The following RAPGEF6 variants were observed in gnomAD, a reference collection of about 807,000 sequenced individuals.
The protein encoded by RAPGEF6 is PDZ domain containing guanine nucleotide exchange factor (GEF) 2.
Under a neutral mutation model 171.4 loss-of-function variants are expected in RAPGEF6, and 56 were observed. The ratio of observed to expected loss-of-function variants is 0.33; its 90% CI spans 0.26 to 0.41. The LOEUF is 0.41. RAPGEF6 is among the 10% of genes least tolerant of loss of function. The probability of loss-of-function intolerance (pLI) is 1.00; values close to 1 mark genes in which losing one functional copy is unlikely to be tolerated. For synonymous variants in RAPGEF6, 692 were observed against 650.1 expected (o/e 1.06, Z -0.98); for missense variants, 1,674 against 1,921.4 (o/e 0.87, Z 2.41).
rs188858087 is a variant in RAPGEF6, at chr5:131,550,184, T to A, written c.352-1994A>T. On this transcript the variant is annotated intron_variant, in intron 5 of 27. Coordinates refer to ENST00000509018, the MANE Select transcript of RAPGEF6 (RefSeq NM_016340.6). ...TCACCTCAGTCCCAAACCACAGCAA[T>A]AGGTGATCCTGCTGCTTTAGGCATG... Among the ~76,000 whole-genome samples the A allele has an allele frequency of 3.2e-3, 485 of 152,194 alleles. 3 individuals carry two copies. The highest frequency in any genetic ancestry group is 0.011 in the African/African-American group (461 of 41,512).
intron 4 of RAPGEF6, among the ~76,000 whole-genome samples, chr5:131,587,013 T>C (rs1160984788): frequency 6.6e-6 from 1 of 152,222 alleles, no homozygotes; most frequent in Non-Finnish European, 1.5e-5. Context: ...GCCCCTCCTC[T>C]TCCTGCATGG....
intron 6 of RAPGEF6, among the ~76,000 whole-genome samples, chr5:131,538,743 C>T (rs1007044457): frequency 6.6e-6 from 1 of 152,170 alleles, no homozygotes; most frequent in Non-Finnish European, 1.5e-5. Context: ...CTTCTTCATA[C>T]TCTTCTATAT....
intron 4 of RAPGEF6, among the ~76,000 whole-genome samples, chr5:131,583,914 C>T (rs546470606): frequency 5.4e-4 from 82 of 152,196 alleles, no homozygotes; most frequent in Middle Eastern, 3.4e-3. Flanking sequence ...TTACTGAGTG[C>T]AAGAAGCTGA....
At chr5:131,499,630 CTCT>C (rs1367137002) in intron 11 of RAPGEF6, among the ~76,000 whole-genome samples, 1 of 149,998 alleles carries the variant, frequency 6.7e-6, no homozygotes, top group Admixed American at 6.6e-5. Flanking sequence ...TTCCATACTG[CTCT>C]TCTTTGAGCT....
rs1448951582 is a variant in RAPGEF6, at chr5:131,520,861, C to A, written c.627+529G>T. Among the ~76,000 whole-genome samples, 2 of 152,158 alleles carry A rather than the reference C, an allele frequency of 1.3e-5. 1 individual carries two copies. The highest frequency in any genetic ancestry group is 2.9e-5 in the Non-Finnish European group (2 of 68,038). ...TCCTAGAACCTTCTCCCCAATATTACAATGATCACTGAAAAGCTCAGTAGG... is the reference window on the plus strand; with the variant it reads ...TCCTAGAACCTTCTCCCCAATATTAAAATGATCACTGAAAAGCTCAGTAGG... On this transcript the variant is annotated intron_variant, in intron 7 of 27. Transcript: ENST00000509018.
chr5:131,492,921 C>T (rs1756380226), intron 13 of RAPGEF6, 136 bp from the exon 14 acceptor site: 1 of 727,290 alleles, frequency 1.4e-6, no homozygotes, highest in African/African-American at 1.8e-5. Flanking sequence ...AAGAAGGGGG[C>T]ACTCCCACGC....
intron 7 of RAPGEF6, 115 bp from the exon 8 acceptor site, chr5:131,510,606 G>A: frequency 1.1e-6 from 1 of 889,826 alleles, no homozygotes; most frequent in Admixed American, 2.7e-5. Context: ...GGGCAACGCT[G>A]GATGCTGCAT....
intron 7 of RAPGEF6, among the ~76,000 whole-genome samples, chr5:131,519,691 G>T (rs1411677457): frequency 2.6e-5 from 4 of 152,144 alleles, no homozygotes; most frequent in Non-Finnish European, 5.9e-5. Context: ...CTAAACCTCT[G>T]TGTATAGTCT....
intron 5 of RAPGEF6, among the ~76,000 whole-genome samples, chr5:131,561,008 C>T (rs551819926): frequency 3.3e-5 from 5 of 152,298 alleles, no homozygotes; most frequent in African/African-American, 9.6e-5. Flanking sequence ...TGGTCATCTA[C>T]ATGAGATCCT....
At chr5:131,549,512 G>C (rs771969589) in intron 5 of RAPGEF6, among the ~76,000 whole-genome samples, 3 of 152,130 alleles carry the variant, frequency 2.0e-5, no homozygotes, top group Non-Finnish European at 4.4e-5. Flanking sequence ...AGGCACAGAA[G>C]AGATTAATAA....
intron 8 of RAPGEF6, 147 bp from the exon 9 acceptor site, chr5:131,508,354 T>C (rs1026505171): frequency 8.7e-6 from 7 of 801,860 alleles, no homozygotes; most frequent in South Asian, 6.9e-5. Context: ...TATTTGACCG[T>C]TGATTTTTAA....
chr5:131,483,803 G>A (rs933841684), intron 15 of RAPGEF6, among the ~76,000 whole-genome samples: 2 of 151,946 alleles, frequency 1.3e-5, no homozygotes, highest in Non-Finnish European at 2.9e-5. Context: ...GGCAGATGAA[G>A]TCAAGACTTT....
chr5:131,464,861 T>C (rs1358180154), intron 17 of RAPGEF6, among the ~76,000 whole-genome samples: 1 of 152,192 alleles, frequency 6.6e-6, no homozygotes, highest in Non-Finnish European at 1.5e-5. Flanking sequence ...AGAGACGTTA[T>C]AATATTTTAT....
At chr5:131,476,065 T>C (rs1470326998) in intron 16 of RAPGEF6, among the ~76,000 whole-genome samples, 1 of 152,076 alleles carries the variant, frequency 6.6e-6, no homozygotes, top group Non-Finnish European at 1.5e-5. Flanking sequence ...AAGGGAAAAA[T>C]TACCTATGAA....
At chr5:131,531,375 T>C (rs1028804693) in intron 6 of RAPGEF6, among the ~76,000 whole-genome samples, 6 of 152,226 alleles carry the variant, frequency 3.9e-5, no homozygotes, top group African/African-American at 1.4e-4. Flanking sequence ...AATTACAGAC[T>C]ATATAAATAG....
intron 1 of RAPGEF6, among the ~76,000 whole-genome samples, chr5:131,622,344 G>A (rs764580308): frequency 3.3e-5 from 5 of 152,226 alleles, no homozygotes; most frequent in Non-Finnish European, 7.3e-5. Flanking sequence ...GGCATGATGA[G>A]CCTGACTACA....
At chr5:131,482,276 ATGTGTG>A (rs141980105) in intron 15 of RAPGEF6, among the ~76,000 whole-genome samples, 2 of 150,950 alleles carry the variant, frequency 1.3e-5, no homozygotes, top group Admixed American at 6.6e-5. Context: ...ACGTGTGTGT[ATGTGTG>A]TGTGTGTATA....
At chr5:131,439,118 T>C (rs1307344997) in intron 24 of RAPGEF6, among the ~76,000 whole-genome samples, 3 of 152,174 alleles carry the variant, frequency 2.0e-5, no homozygotes, top group Non-Finnish European at 2.9e-5. Context: ...GGTCTCATCA[T>C]GTTGCCCTGG....
intron 6 of RAPGEF6, among the ~76,000 whole-genome samples, chr5:131,543,105 T>G (rs1211268373): frequency 6.6e-6 from 1 of 152,128 alleles, no homozygotes; most frequent in Non-Finnish European, 1.5e-5. Context: ...GCTAGATTAC[T>G]GGAATTTTTC....
Sources: allele counts gnomAD v4.1 joint callset (sites outside exome capture counted in the v4.1 genomes callset), GRCh38; gene constraint gnomAD v4.1.1; transcripts MANE v1.5; gene names NCBI Gene and HGNC (gene_info 2026-07-23, HGNC 2026-07-21).